Variants in PCSK2 observed in about 807,000 individuals in gnomAD.
PCSK2 encodes the protein proprotein convertase subtilisin/kexin type 2.
PCSK2 carries 14 observed loss-of-function variants against 69.7 expected under a neutral mutation model. That is an observed-to-expected ratio of 0.20 (90% CI 0.13 to 0.31). The LOEUF (loss-of-function observed/expected upper bound fraction) is 0.31. PCSK2 is among the 10% of genes least tolerant of loss of function. PCSK2 has a pLI of 1.00. For missense variants in PCSK2, 544 were observed against 842.5 expected (o/e 0.65, Z 4.39); for synonymous variants, 307 against 320.7 (o/e 0.96, Z 0.46).
chr20:17,383,559 A>T (rs6044770), intron 5 of PCSK2, among the ~76,000 whole-genome samples: 9,590 of 152,256 alleles, frequency 0.063, 370 homozygotes, highest in African/African-American at 0.11. Flanking sequence ...CAATAGGCCA[A>T]CTGATTTCTC....
chr20:17,371,202 A>G (rs1448357837), intron 5 of PCSK2, among the ~76,000 whole-genome samples: 1 of 152,186 alleles, frequency 6.6e-6, no homozygotes, highest in Non-Finnish European at 1.5e-5. Context: ...AAGGCCTAAG[A>G]CATGGAGACC....
chr20:17,315,769 C>T (rs960039253), intron 2 of PCSK2, among the ~76,000 whole-genome samples: 2 of 152,170 alleles, frequency 1.3e-5, no homozygotes, highest in South Asian at 2.1e-4. Flanking sequence ...TGTGAATCGC[C>T]GACACGGTCT....
intron 2 of PCSK2, among the ~76,000 whole-genome samples, chr20:17,272,480 A>G (rs968601607): frequency 1.3e-5 from 2 of 152,120 alleles, no homozygotes; most frequent in East Asian, 3.9e-4. Flanking sequence ...GAACCTTTAA[A>G]AAGGATTTAT....
chr20:17,342,778 C>T (rs1032628427), intron 2 of PCSK2, among the ~76,000 whole-genome samples: 11 of 152,094 alleles, frequency 7.2e-5, no homozygotes, highest in East Asian at 5.8e-4. Context: ...ACTATAGGTG[C>T]GCACCACCAC....
At chr20:17,382,527 G>A (rs180852245) in intron 5 of PCSK2, among the ~76,000 whole-genome samples, 37 of 152,104 alleles carry the variant, frequency 2.4e-4, no homozygotes, top group Admixed American at 5.2e-4. Flanking sequence ...GGTGCTAAAC[G>A]TTACCATCCT....
At chr20:17,454,553 A>G (rs1203698335) in intron 9 of PCSK2, among the ~76,000 whole-genome samples, 2 of 152,244 alleles carry the variant, frequency 1.3e-5, no homozygotes, top group African/African-American at 4.8e-5. Context: ...CAAAGAAAAA[A>G]AAATCTTCCT....
intron 2 of PCSK2, among the ~76,000 whole-genome samples, chr20:17,275,906 T>A (rs1988054025): frequency 6.6e-6 from 1 of 152,174 alleles, no homozygotes; most frequent in Admixed American, 6.6e-5. Flanking sequence ...GCCAGTTACA[T>A]AAGTTTACGT....
chr20:17,309,823 GAGA>G (rs71192373), intron 2 of PCSK2, among the ~76,000 whole-genome samples: 51 of 147,434 alleles, frequency 3.5e-4, no homozygotes, highest in East Asian at 1.2e-3. Flanking sequence ...ATCAAAAGGA[GAGA>G]AGAAGAAGAA....
intron 5 of PCSK2, among the ~76,000 whole-genome samples, chr20:17,390,470 C>T (rs2031344215): frequency 6.6e-6 from 1 of 152,136 alleles, no homozygotes; most frequent in African/African-American, 2.4e-5. Context: ...AAATCAGTTA[C>T]CACCAAAAAT....
intron 2 of PCSK2, among the ~76,000 whole-genome samples, chr20:17,352,434 C>A (rs1359977358): frequency 1.3e-5 from 2 of 152,166 alleles, no homozygotes; most frequent in African/African-American, 4.8e-5. Flanking sequence ...CATTGCATTA[C>A]CCAATGTCAT....
At chr20:17,388,765 T>C (rs1026049821) in intron 5 of PCSK2, among the ~76,000 whole-genome samples, 5 of 152,110 alleles carry the variant, frequency 3.3e-5, no homozygotes, top group Non-Finnish European at 4.4e-5. Flanking sequence ...TGATGCTTAA[T>C]CAGAAAGCAT....
intron 6 of PCSK2, among the ~76,000 whole-genome samples, chr20:17,414,678 C>T (rs2031957427): frequency 6.6e-6 from 1 of 152,194 alleles, no homozygotes; most frequent in South Asian, 2.1e-4. Flanking sequence ...CTCCCTAACT[C>T]ATTTTATGAG....
intron 4 of PCSK2, among the ~76,000 whole-genome samples, chr20:17,363,042 T>C (rs2030455817): frequency 6.6e-6 from 1 of 152,252 alleles, no homozygotes; most frequent in African/African-American, 2.4e-5. Context: ...CCCAGACATT[T>C]TCTTGGCAAG....
At chr20:17,393,893 TA>T (rs904959516) in intron 5 of PCSK2, among the ~76,000 whole-genome samples, 1 of 152,160 alleles carries the variant, frequency 6.6e-6, no homozygotes, top group Non-Finnish European at 1.5e-5. Context: ...ACATTTAATG[TA>T]AAAAAAGTAC....
chr20:17,372,147 A>C (rs2030784189), intron 5 of PCSK2, among the ~76,000 whole-genome samples: 1 of 152,136 alleles, frequency 6.6e-6, no homozygotes, highest in Non-Finnish European at 1.5e-5. Context: ...TGGGAGGCCA[A>C]GGCAGGTGGA....
At chr20:17,302,993 C>A (rs997562147) in intron 2 of PCSK2, among the ~76,000 whole-genome samples, 2 of 151,852 alleles carry the variant, frequency 1.3e-5, no homozygotes, top group African/African-American at 4.8e-5. Flanking sequence ...CATCTTGAAC[C>A]AGAGAACTTG....
chr20:17,357,435 G>C (rs118022005), intron 2 of PCSK2, among the ~76,000 whole-genome samples: 1 of 152,196 alleles, frequency 6.6e-6, no homozygotes, highest in Non-Finnish European at 1.5e-5. Context: ...ATTCTCAAAC[G>C]TGATAGCACT....
chr20:17,456,516 A>G (rs2032926249), intron 10 of PCSK2, 68 bp downstream of exon 10: 3 of 830,200 alleles, frequency 3.6e-6, no homozygotes, highest in Admixed American at 4.0e-5. Flanking sequence ...CTCTGCCCAC[A>G]TGCCAGGTGT....
intron 5 of PCSK2, among the ~76,000 whole-genome samples, chr20:17,390,348 A>G (rs539594590): frequency 3.3e-5 from 5 of 152,376 alleles, no homozygotes; most frequent in African/African-American, 1.2e-4. Context: ...TCAGATTTAC[A>G]TACTGCTAAG....
Sources: allele counts gnomAD v4.1 joint callset (sites outside exome capture counted in the v4.1 genomes callset), GRCh38; gene constraint gnomAD v4.1.1; transcripts MANE v1.5; gene names NCBI Gene and HGNC (gene_info 2026-07-23, HGNC 2026-07-21).